ZNF736: variants seen among roughly 807,000 people sequenced by gnomAD.
The protein encoded by ZNF736 is zinc finger protein 736, also known as KRAB-containing zinc-finger repressor protein.
Under a neutral mutation model 11.7 loss-of-function variants are expected in ZNF736, and 6 were observed. The observed-to-expected ratio is 0.51, with a 90% CI of 0.28 to 1.01. The LOEUF (loss-of-function observed/expected upper bound fraction) is 1.01. Ranked by LOEUF, ZNF736 falls within the 50% of genes least tolerant of loss-of-function variation. ZNF736 has a pLI of 0.09. For synonymous variants in ZNF736, 139 were observed against 164.7 expected, an observed-to-expected ratio of 0.84 and a Z score of 1.19; for missense variants, 444 against 496.0, an observed-to-expected ratio of 0.90 and a Z score of 1.00.
At chr7:64,319,484 C>CT in intron 1 of ZNF736, among the ~76,000 whole-genome samples, 1 of 101,282 alleles carries the variant, frequency 9.9e-6, no homozygotes, top group Admixed American at 1.3e-4. Context: ...GAAAACATTT[C>CT]TTCCCTTTTT....
Position 64,355,372 on chromosome 7 carries a change from T to G in ZNF736, c.*6225T>G, listed in dbSNP as rs1789539929. ...TCAAGCCATTTCAAGTAGATTTAAT[T>G]CTAGATCTTTTTTTTTTTTTCTTTT... is the stretch of plus-strand genomic sequence containing the variant. On this transcript the variant is annotated 3_prime_UTR_variant, in exon 4 of 4. Coordinates refer to ENST00000423484, the MANE Select transcript of ZNF736 (RefSeq NM_001170905.3). 1 of 150,006 alleles carries G rather than the reference T, an allele frequency of 6.7e-6. No homozygotes were observed. Among genetic ancestry groups the G allele is most frequent in the Non-Finnish European group, 1.5e-5 (1 of 67,426 alleles). 9.3% of individuals were successfully genotyped at this position (150,006 alleles called of 1,614,324 possible).
intron 1 of ZNF736, among the ~76,000 whole-genome samples, chr7:64,333,310 C>G (rs1308415773): frequency 6.6e-6 from 1 of 152,140 alleles, no homozygotes; most frequent in Non-Finnish European, 1.5e-5. Context: ...TATACCAGAG[C>G]CTTCTCCTTA....
chr7:64,340,102 A>G (rs1789316692), intron 3 of ZNF736, among the ~76,000 whole-genome samples: 2 of 152,166 alleles, frequency 1.3e-5, no homozygotes, highest in Non-Finnish European at 2.9e-5. Flanking sequence ...TAGGGCCAGC[A>G]CTAGGGCAGT....
At chr7:64,314,608 C>T (rs62463886) in intron 1 of ZNF736, among the ~76,000 whole-genome samples, 8,460 of 152,216 alleles carry the variant, frequency 0.056, 374 homozygotes, top group Admixed American at 0.14. Flanking sequence ...GTGTCTCACT[C>T]TGTTGCCCAG....
chr7:64,317,770 AT>A (rs1247288119), intron 1 of ZNF736, among the ~76,000 whole-genome samples: 1 of 151,856 alleles, frequency 6.6e-6, no homozygotes, highest in Non-Finnish European at 1.5e-5. Flanking sequence ...TTAAAATTTT[AT>A]TTTTCTCTTT....
Position 64,336,264 on chromosome 7 carries a change from G to A in ZNF736, c.9G>A (p.Val3=), listed in dbSNP as rs1342920902. 1.2e-5 allele frequency: 19 copies of A among 1,611,768 alleles called. No homozygotes were observed. The highest frequency in any genetic ancestry group is 2.2e-5 in the East Asian group (1 of 44,720). Residue 3 remains valine (V), a synonymous_variant, in exon 2 of 4, where the codon GTG becomes GTA. Transcript: ENST00000423484. ...AAATATGTTTTGTTTTCCAGGGAGTGTTGACATTCAGGGATGTGGCTGTAG... is the reference window on the plus strand; with the variant it reads ...AAATATGTTTTGTTTTCCAGGGAGTATTGACATTCAGGGATGTGGCTGTAG... MG[V]LTFRDVAVEF...
At chr7:64,316,490 A>G (rs1788919728) in intron 1 of ZNF736, among the ~76,000 whole-genome samples, 1 of 152,254 alleles carries the variant, frequency 6.6e-6, no homozygotes, top group African/African-American at 2.4e-5. Context: ...ATAAATTTGC[A>G]AAGCAAAATA....
chr7:64,322,037 C>CTA (rs10669723), intron 1 of ZNF736, among the ~76,000 whole-genome samples: 139,281 of 152,144 alleles, frequency 0.92, 63,862 homozygotes, highest in Non-Finnish European at 0.94. Flanking sequence ...GAACTACAGT[C>CTA]TGAATTTAGC....
intron 3 of ZNF736, 100 bp from the exon 4 acceptor site, chr7:64,347,990 G>A (rs1789434036): frequency 2.0e-6 from 2 of 1,021,432 alleles, no homozygotes; most frequent in East Asian, 2.6e-5. Flanking sequence ...AGAGCCTGTG[G>A]TATTTTATTA....
At chr7:64,339,550 C>T (rs1176111443) in intron 3 of ZNF736, among the ~76,000 whole-genome samples, 1 of 152,130 alleles carries the variant, frequency 6.6e-6, no homozygotes, top group African/African-American at 2.4e-5. Context: ...ATATTTTCTG[C>T]ATTATGCATT....
chr7:64,331,611 G>A (rs1183871732), intron 1 of ZNF736, among the ~76,000 whole-genome samples: 1 of 152,132 alleles, frequency 6.6e-6, no homozygotes, highest in Non-Finnish European at 1.5e-5. Context: ...ATTGCTGGAG[G>A]GTGCTATTTA....
At chr7:64,338,431 G>C (rs931520342) in intron 3 of ZNF736, among the ~76,000 whole-genome samples, 2 of 152,106 alleles carry the variant, frequency 1.3e-5, no homozygotes, top group African/African-American at 4.8e-5. Flanking sequence ...TCATAAAGCT[G>C]TACCTTAGGT....
intron 3 of ZNF736, 57 bp downstream of exon 3, chr7:64,337,039 G>A: frequency 1.4e-6 from 2 of 1,435,678 alleles, no homozygotes; most frequent in East Asian, 4.8e-5. Flanking sequence ...TGTCAAGGAG[G>A]AAGCCAAACC....
intron 1 of ZNF736, among the ~76,000 whole-genome samples, chr7:64,323,286 G>A (rs1212807992): frequency 6.6e-6 from 1 of 152,122 alleles, no homozygotes; most frequent in Non-Finnish European, 1.5e-5. Flanking sequence ...TTGAAACACA[G>A]TCAACAAATA....
At chr7:64,332,228 C>G (rs1230916717) in intron 1 of ZNF736, among the ~76,000 whole-genome samples, 1 of 152,132 alleles carries the variant, frequency 6.6e-6, no homozygotes, top group Non-Finnish European at 1.5e-5. Context: ...GGGGAACCTG[C>G]CCCCAGTCTT....
intron 1 of ZNF736, among the ~76,000 whole-genome samples, chr7:64,324,534 G>A (rs1186822483): frequency 6.6e-6 from 1 of 151,970 alleles, no homozygotes; most frequent in Non-Finnish European, 1.5e-5. Flanking sequence ...TTGCCCCCCC[G>A]GACACATGCA....
intron 1 of ZNF736, among the ~76,000 whole-genome samples, chr7:64,320,820 G>A (rs117632276): frequency 1.3e-5 from 2 of 151,968 alleles, no homozygotes; most frequent in South Asian, 2.1e-4. Flanking sequence ...AAAACCTGCC[G>A]TTTCCAATTG....
Position 64,348,095 on chromosome 7 carries a change from T to C in ZNF736, c.232T>C (p.Ser78Pro). The C allele has an allele frequency of 6.7e-7, 1 of 1,502,376 alleles. No individual in the cohort carries two copies. The highest frequency in any genetic ancestry group is 2.5e-5 in the East Asian group (1 of 40,632). 93.1% of individuals were successfully genotyped at this position (1,502,376 alleles called of 1,614,324 possible). ...QEAVAKHPAG[S>P]FHFTAEILPD... Reference sequence around the variant, plus strand: ...ATTTTATTTTTTTTCTCCAGCTGGTTCTTTTCATTTTACTGCAGAGATATT... The same window carrying C: ...ATTTTATTTTTTTTCTCCAGCTGGTCCTTTTCATTTTACTGCAGAGATATT... Residue 78 changes from serine (S) to proline (P), a missense_variant, in exon 4 of 4, where the codon TCT becomes CCT. By Grantham distance (74) the Ser-to-Pro change is moderately conservative. Transcript: ENST00000423484.
intron 1 of ZNF736, among the ~76,000 whole-genome samples, chr7:64,323,929 A>G (rs367869015): frequency 7.7e-4 from 118 of 152,332 alleles, no homozygotes; most frequent in African/African-American, 2.7e-3. Context: ...ACCTAAAAGC[A>G]GGGGGTATTT....
Sources: gnomAD v4.1 joint callset for allele counts (sites outside exome capture counted in the v4.1 genomes callset) on GRCh38, gnomAD v4.1.1 for gene constraint, MANE v1.5 for transcripts, NCBI Gene and HGNC (gene_info 2026-07-23, HGNC 2026-07-21) for gene names.